ZNF423: variants seen among roughly 807,000 people sequenced by gnomAD.
ZNF423 encodes Ebf-associated zinc finger protein.
In ZNF423, 12 loss-of-function variants were observed where a neutral mutation model predicts 95.8. That is an observed-to-expected ratio of 0.13 (90% CI 0.08 to 0.20). ZNF423 has a LOEUF of 0.20. Ranked by LOEUF, ZNF423 falls within the 10% of genes least tolerant of loss-of-function variation. The probability of loss-of-function intolerance (pLI) is 1.00; values close to 1 mark genes in which losing one functional copy is unlikely to be tolerated. For missense variants in ZNF423, 1,316 were observed against 1,737.1 expected, an observed-to-expected ratio of 0.76 and a Z score of 4.31; for synonymous variants, 749 against 711.9, an observed-to-expected ratio of 1.05 and a Z score of -0.83.
chr16:49,551,463 T>C (rs888084019), intron 5 of ZNF423, among the ~76,000 whole-genome samples: 3 of 152,202 alleles, frequency 2.0e-5, no homozygotes. Flanking sequence ...TTTTATGGTC[T>C]AAGCAGAATC....
chr16:49,785,704 G>A (rs536674946), intron 2 of ZNF423, among the ~76,000 whole-genome samples: 4 of 152,318 alleles, frequency 2.6e-5, no homozygotes, highest in Admixed American at 2.6e-4. Context: ...CCCTTTGCAA[G>A]GTCTGTGTCA....
chr16:49,649,180 G>A (rs944769666), intron 3 of ZNF423, among the ~76,000 whole-genome samples: 1 of 152,170 alleles, frequency 6.6e-6, no homozygotes, highest in Non-Finnish European at 1.5e-5. Flanking sequence ...GGATGACTAA[G>A]CGGGCAGAAC....
Position 49,726,020 on chromosome 16 carries a change from T to C in ZNF423, c.301+4751A>G, listed in dbSNP as rs565767061. On this transcript the variant is annotated intron_variant, in intron 3 of 7. Transcript: ENST00000563137. ...TCTTACTACCTACAACAAAAAGCCA[T>C]ATATCAGGCCAGCAGCCCCTTTAGC... Among the ~76,000 whole-genome samples, 13 of 152,232 alleles carry C rather than the reference T, an allele frequency of 8.5e-5. No individual in the cohort carries two copies. The East Asian group carries it at 2.5e-3, about 29-fold the overall frequency.
At chr16:49,646,044 T>C (rs886858271) in intron 3 of ZNF423, among the ~76,000 whole-genome samples, 12 of 152,234 alleles carry the variant, frequency 7.9e-5, no homozygotes, top group Non-Finnish European at 1.6e-4. Flanking sequence ...ACTAATATAC[T>C]GTAGAACTGT....
chr16:49,497,749 C>G (rs1334205824), intron 7 of ZNF423, among the ~76,000 whole-genome samples: 14 of 152,234 alleles, frequency 9.2e-5, no homozygotes. Flanking sequence ...CGAGAATGCA[C>G]CTTAACCACT....
intron 5 of ZNF423, among the ~76,000 whole-genome samples, chr16:49,577,346 G>A (rs1448414867): frequency 6.6e-6 from 1 of 152,134 alleles, no homozygotes; most frequent in Non-Finnish European, 1.5e-5. Flanking sequence ...AGAGGGTACC[G>A]TTATCATCAC....
intron 7 of ZNF423, among the ~76,000 whole-genome samples, chr16:49,519,793 CA>C (rs1204828728): frequency 2.0e-5 from 3 of 152,148 alleles, no homozygotes; most frequent in African/African-American, 7.2e-5. Flanking sequence ...AGATAAAATC[CA>C]AAGTCCTTCA....
chr16:49,642,684 G>A (rs1199139058), intron 3 of ZNF423, among the ~76,000 whole-genome samples: 1 of 152,018 alleles, frequency 6.6e-6, no homozygotes, highest in Admixed American at 6.5e-5. Flanking sequence ...CCCTCCAAAT[G>A]CATTTTGCTT....
chr16:49,694,688 G>A (rs1260264112), intron 3 of ZNF423, among the ~76,000 whole-genome samples: 1 of 152,304 alleles, frequency 6.6e-6, no homozygotes, highest in Non-Finnish European at 1.5e-5. Flanking sequence ...GGCCTCCAAG[G>A]GAAAGGAAGG....
chr16:49,690,774 G>A (rs1245435695), intron 3 of ZNF423, among the ~76,000 whole-genome samples: 2 of 152,160 alleles, frequency 1.3e-5, no homozygotes, highest in Non-Finnish European at 2.9e-5. Context: ...CACACAGAGA[G>A]GTACCCCCGA....
chr16:49,805,596 A>G (rs2143927236), intron 1 of ZNF423, among the ~76,000 whole-genome samples: 1 of 152,312 alleles, frequency 6.6e-6, no homozygotes, highest in Non-Finnish European at 1.5e-5. Context: ...TCTCAAAATA[A>G]GGCAAAGCTC....
chr16:49,590,182 G>A (rs1970968234), intron 5 of ZNF423, among the ~76,000 whole-genome samples: 1 of 151,804 alleles, frequency 6.6e-6, no homozygotes, highest in African/African-American at 2.4e-5. Flanking sequence ...CAGCCCTGAT[G>A]AAGAATTACA....
chr16:49,567,125 G>A (rs1214644388), intron 5 of ZNF423, among the ~76,000 whole-genome samples: 3 of 152,140 alleles, frequency 2.0e-5, no homozygotes, highest in Non-Finnish European at 4.4e-5. Context: ...GGAATTCAAG[G>A]CACAGAAAGG....
intron 5 of ZNF423, among the ~76,000 whole-genome samples, chr16:49,554,659 G>A (rs1368140975): frequency 6.6e-6 from 1 of 151,736 alleles, no homozygotes; most frequent in African/African-American, 2.4e-5. Context: ...TCTTCTGCTT[G>A]ACTGTGAGCT....
At chr16:49,765,566 A>G (rs1297447463) in intron 2 of ZNF423, among the ~76,000 whole-genome samples, 1 of 152,040 alleles carries the variant, frequency 6.6e-6, no homozygotes, top group Admixed American at 6.6e-5. Context: ...ACACACAAAT[A>G]TTAATTAGCT....
chr16:49,557,620 C>G (rs1287457919), intron 5 of ZNF423, among the ~76,000 whole-genome samples: 1 of 152,208 alleles, frequency 6.6e-6, no homozygotes, highest in Non-Finnish European at 1.5e-5. Flanking sequence ...GCAGAAGCAG[C>G]CTCTGGGCTG....
rs142327293 is a variant in ZNF423, at chr16:49,557,729, C to T, written c.3602-32235G>A. Reference sequence around the variant, plus strand: ...CACAAAGATGCAGAAACTCATCTCCCATGAAGGCCTCAAGGATGGTAGAAG... The same window carrying T: ...CACAAAGATGCAGAAACTCATCTCCTATGAAGGCCTCAAGGATGGTAGAAG... On this transcript the variant is annotated intron_variant, in intron 5 of 7. Coordinates refer to ENST00000563137, the MANE Select transcript of ZNF423 (RefSeq NM_001379286.1). Among the ~76,000 whole-genome samples the T allele has an allele frequency of 2.0e-5, 3 of 152,296 alleles. No individual in the cohort carries two copies. In the East Asian group the frequency reaches 5.8e-4, roughly 29 times the overall value.
chr16:49,646,351 G>C (rs1363819474), intron 3 of ZNF423, among the ~76,000 whole-genome samples: 1 of 152,114 alleles, frequency 6.6e-6, no homozygotes, highest in Non-Finnish European at 1.5e-5. Context: ...TGGGAAACCA[G>C]GGGTACTTGC....
chr16:49,743,418 G>A (rs925173694), intron 2 of ZNF423, among the ~76,000 whole-genome samples: 11 of 152,102 alleles, frequency 7.2e-5, no homozygotes, highest in African/African-American at 1.7e-4. Context: ...AGGCAAGTCC[G>A]CATCAGTTTT....
Sources: allele counts gnomAD v4.1 joint callset (sites outside exome capture counted in the v4.1 genomes callset), GRCh38; gene constraint gnomAD v4.1.1; transcripts MANE v1.5; gene names NCBI Gene and HGNC (gene_info 2026-07-23, HGNC 2026-07-21).